The following MAF variants were observed in gnomAD, a reference collection of about 807,000 sequenced individuals.
The protein encoded by MAF is transcription factor Maf.
Under a neutral mutation model 22.0 loss-of-function variants are expected in MAF, and 10 were observed. That is an observed-to-expected ratio of 0.45 (90% CI 0.28 to 0.77). The LOEUF is 0.77. Ranked by LOEUF, MAF falls within the 30% of genes least tolerant of loss-of-function variation. The pLI is 0.12. For synonymous variants in MAF, 337 were observed against 255.8 expected, an observed-to-expected ratio of 1.32 and a Z score of -3.03; for missense variants, 544 against 548.4, an observed-to-expected ratio of 0.99 and a Z score of 0.08.
At chr16:79,327,223 C>A in the MAF span, among the ~76,000 whole-genome samples, 5 of 152,136 alleles carry the variant, frequency 3.3e-5, 1 homozygote, top group Middle Eastern at 3.2e-3. Flanking sequence ...AACAGGGAGA[C>A]CAGTTCGGTA....
the MAF span, among the ~76,000 whole-genome samples, chr16:79,516,593 T>A: frequency 3.3e-5 from 5 of 152,250 alleles, no homozygotes; most frequent in African/African-American, 1.2e-4. Flanking sequence ...AAATGTTTAC[T>A]CTGTGCTAGA....
the MAF span, among the ~76,000 whole-genome samples, chr16:79,513,518 C>G: frequency 1.3e-5 from 2 of 152,168 alleles, no homozygotes; most frequent in African/African-American, 4.8e-5. Context: ...CAGTTGAAGG[C>G]AAATACATGG....
the MAF span, among the ~76,000 whole-genome samples, chr16:79,576,187 T>C: frequency 2.3e-5 from 3 of 127,932 alleles, no homozygotes; most frequent in Non-Finnish European, 4.7e-5. Flanking sequence ...ATTTTTCAGA[T>C]AATGGTTTCA....
the MAF span, among the ~76,000 whole-genome samples, chr16:79,209,558 C>G: frequency 6.6e-6 from 1 of 152,150 alleles, no homozygotes; most frequent in East Asian, 1.9e-4. Context: ...ATTCTCCCAC[C>G]ACTCGGGAGT....
the MAF span, among the ~76,000 whole-genome samples, chr16:79,350,630 C>A: frequency 2.0e-5 from 3 of 152,294 alleles, no homozygotes; most frequent in South Asian, 6.2e-4. Flanking sequence ...TCCTTCCCAG[C>A]CAACAGTGGG....
chr16:79,526,881 C>A, the MAF span, among the ~76,000 whole-genome samples: 4 of 152,252 alleles, frequency 2.6e-5, no homozygotes, highest in East Asian at 7.7e-4. Context: ...AGTAAAATAA[C>A]TGTCTTCTAC....
chr16:79,250,927 TTGTC>T, the MAF span, among the ~76,000 whole-genome samples: 1 of 152,134 alleles, frequency 6.6e-6, no homozygotes, highest in East Asian at 1.9e-4. Flanking sequence ...GTGACTGTAT[TTGTC>T]TGTAATAATT....
At chr16:79,375,283 C>G in the MAF span, among the ~76,000 whole-genome samples, 2 of 152,156 alleles carry the variant, frequency 1.3e-5, no homozygotes, top group Admixed American at 6.5e-5. Flanking sequence ...TAAAAGGGTT[C>G]AAGGCATTGA....
At chr16:79,424,979 T>A in the MAF span, among the ~76,000 whole-genome samples, 1 of 152,136 alleles carries the variant, frequency 6.6e-6, no homozygotes, top group Non-Finnish European at 1.5e-5. Flanking sequence ...TGCTTCCCCT[T>A]GAAGGTATAC....
chr16:79,454,820 C>G, the MAF span, among the ~76,000 whole-genome samples: 1 of 149,746 alleles, frequency 6.7e-6, no homozygotes, highest in Non-Finnish European at 1.5e-5. Flanking sequence ...TGAAAGAATT[C>G]TCACCACTCC....
chr16:79,452,393 A>G, the MAF span, among the ~76,000 whole-genome samples: 4 of 152,222 alleles, frequency 2.6e-5, no homozygotes, highest in African/African-American at 7.2e-5. Flanking sequence ...ATAAAAGTCT[A>G]TCTTATGATG....
chr16:79,399,543 C>G, the MAF span, among the ~76,000 whole-genome samples: 2 of 152,176 alleles, frequency 1.3e-5, no homozygotes, highest in South Asian at 4.1e-4. Context: ...ACACCAATTC[C>G]TTGGGTTGTT....
At chr16:79,545,414 G>C in the MAF span, among the ~76,000 whole-genome samples, 2 of 152,084 alleles carry the variant, frequency 1.3e-5, no homozygotes, top group Non-Finnish European at 2.9e-5. Flanking sequence ...CAAGGGGACA[G>C]CAGAATGTTA....
chr16:79,367,456 C>T, the MAF span, among the ~76,000 whole-genome samples: 5 of 152,198 alleles, frequency 3.3e-5, no homozygotes, highest in East Asian at 3.9e-4. Context: ...AACAAATTCA[C>T]TGGGGTCTAG....
chr16:79,427,494 T>G, the MAF span, among the ~76,000 whole-genome samples: 193 of 152,334 alleles, frequency 1.3e-3, 1 homozygote, highest in African/African-American at 3.7e-3. Context: ...GGAGTAGTGA[T>G]GTTGGCTCAG....
the MAF span, among the ~76,000 whole-genome samples, chr16:79,337,631 C>T: frequency 2.0e-5 from 3 of 152,064 alleles, no homozygotes; most frequent in Non-Finnish European, 4.4e-5. Context: ...ACCCAGAAAC[C>T]ATCTCCATCG....
chr16:79,208,294 G>T, the MAF span, among the ~76,000 whole-genome samples: 1 of 152,016 alleles, frequency 6.6e-6, no homozygotes, highest in Non-Finnish European at 1.5e-5. Context: ...CTAACTCATT[G>T]CCATTGCTGC....
chr16:79,297,537 A>G, the MAF span, among the ~76,000 whole-genome samples: 1 of 152,132 alleles, frequency 6.6e-6, no homozygotes, highest in Non-Finnish European at 1.5e-5. Context: ...GAACTACTGA[A>G]CTGCTTAGAA....
the MAF span, among the ~76,000 whole-genome samples, chr16:79,350,115 G>A: frequency 1.3e-5 from 2 of 152,222 alleles, no homozygotes; most frequent in East Asian, 3.9e-4. Context: ...CCCAACCCCA[G>A]CTCTTGTCAG....
Sources: allele counts gnomAD v4.1 joint callset (sites outside exome capture counted in the v4.1 genomes callset), GRCh38; gene constraint gnomAD v4.1.1; transcripts MANE v1.5; gene names NCBI Gene and HGNC (gene_info 2026-07-23, HGNC 2026-07-21).